Variants in GOLPH3 observed in about 807,000 individuals in gnomAD.
GOLPH3 encodes golgi phosphoprotein 3, also known as coat protein GPP34.
In GOLPH3, 14 loss-of-function variants were observed where a neutral mutation model predicts 28.5. That is an observed-to-expected ratio of 0.49 (90% CI 0.32 to 0.77). The LOEUF (loss-of-function observed/expected upper bound fraction) is 0.77. Ranked by LOEUF, GOLPH3 falls within the 30% of genes least tolerant of loss-of-function variation. The pLI, the probability that GOLPH3 is intolerant of heterozygous loss-of-function variation, is 0.03. For synonymous variants in GOLPH3, 158 were observed against 159.2 expected (o/e 0.99, Z 0.06); for missense variants, 350 against 393.7 (o/e 0.89, Z 0.94).
intron 1 of GOLPH3, among the ~76,000 whole-genome samples, chr5:32,144,339 C>T (rs533038611): frequency 6.6e-6 from 1 of 152,286 alleles, no homozygotes; most frequent in South Asian, 2.1e-4. Flanking sequence ...AAGGTTAATC[C>T]GAGCACTTTG....
At chr5:32,131,158 A>G (rs1745817195) in intron 3 of GOLPH3, among the ~76,000 whole-genome samples, 1 of 152,250 alleles carries the variant, frequency 6.6e-6, no homozygotes, top group Non-Finnish European at 1.5e-5. Context: ...ACGGTTATTC[A>G]GATCTCCTCA....
intron 1 of GOLPH3, among the ~76,000 whole-genome samples, chr5:32,148,276 C>T (rs1028569606): frequency 1.3e-5 from 2 of 152,130 alleles, no homozygotes; most frequent in African/African-American, 4.8e-5. Context: ...TTTTACTAAA[C>T]AAAACATATC....
chr5:32,136,470 A>C (rs1333836324), intron 2 of GOLPH3, among the ~76,000 whole-genome samples: 1 of 151,958 alleles, frequency 6.6e-6, no homozygotes, highest in African/African-American at 2.4e-5. Context: ...AACAAGAGCA[A>C]AACTCCGACT....
intron 2 of GOLPH3, among the ~76,000 whole-genome samples, chr5:32,142,669 C>T (rs963752832): frequency 6.8e-6 from 1 of 147,320 alleles, no homozygotes. Flanking sequence ...GCCCCCAAGC[C>T]CGGCCAGCCG....
rs746192564 is a variant in GOLPH3 at position 32,160,690 on chromosome 5, G to A, written c.225+13120C>T. 1.1e-3 allele frequency among the ~76,000 whole-genome samples: 166 copies of A among 152,180 alleles called. 1 individual carries two copies. Among genetic ancestry groups the A allele is most frequent in the Non-Finnish European group, 1.7e-3 (117 of 68,034 alleles). On this transcript the variant is annotated intron_variant, in intron 1 of 3. Transcript: ENST00000265070. The stretch of plus-strand genomic sequence containing the variant: ...GGTGAAGAGTCTCACTAGGCAGTAA[G>A]AAATAACTAAGAATTGGCTGCTAGG...
chr5:32,157,358 T>C (rs1249333150), intron 1 of GOLPH3, among the ~76,000 whole-genome samples: 1 of 152,202 alleles, frequency 6.6e-6, no homozygotes, highest in African/African-American at 2.4e-5. Flanking sequence ...GCACATACCA[T>C]GTGCAAAGCA....
At chr5:32,172,052 C>G (rs1248447498) in intron 1 of GOLPH3, among the ~76,000 whole-genome samples, 1 of 152,164 alleles carries the variant, frequency 6.6e-6, no homozygotes, top group African/African-American at 2.4e-5. Flanking sequence ...CGCTATACCC[C>G]TAGTTTACTT....
At chr5:32,150,422 G>GAA (rs35032469) in intron 1 of GOLPH3, among the ~76,000 whole-genome samples, 126 of 107,956 alleles carry the variant, frequency 1.2e-3, no homozygotes, top group African/African-American at 3.3e-3. Flanking sequence ...AGTTCCTAAA[G>GAA]AAAAAAAAAA....
chr5:32,139,390 A>G (rs1746007918), intron 2 of GOLPH3, among the ~76,000 whole-genome samples: 1 of 152,226 alleles, frequency 6.6e-6, no homozygotes, highest in Admixed American at 6.5e-5. Context: ...GGAGTCCTAG[A>G]ACCAATCGCC....
intron 1 of GOLPH3, among the ~76,000 whole-genome samples, chr5:32,149,160 A>G (rs1746248189): frequency 1.3e-5 from 2 of 152,192 alleles, no homozygotes; most frequent in Admixed American, 6.5e-5. Flanking sequence ...AAATGCAGAG[A>G]ATGAAGGTAA....
intron 1 of GOLPH3, among the ~76,000 whole-genome samples, chr5:32,153,742 C>A (rs541636690): frequency 1.3e-5 from 2 of 152,252 alleles, no homozygotes; most frequent in East Asian, 3.9e-4. Context: ...ACCACGTAAA[C>A]AGATTTTTTT....
At chr5:32,151,173 A>T (rs1438372109) in intron 1 of GOLPH3, among the ~76,000 whole-genome samples, 1 of 152,024 alleles carries the variant, frequency 6.6e-6, no homozygotes, top group Non-Finnish European at 1.5e-5. Flanking sequence ...CACTTATATC[A>T]CAGATAAATC....
At chr5:32,136,323 T>A (rs1468189754) in intron 2 of GOLPH3, among the ~76,000 whole-genome samples, 1 of 149,666 alleles carries the variant, frequency 6.7e-6, no homozygotes, top group Non-Finnish European at 1.5e-5. Context: ...CTACTAAAAA[T>A]ACAAACAATT....
At chr5:32,166,979 T>C (rs1055131848) in intron 1 of GOLPH3, among the ~76,000 whole-genome samples, 8 of 151,812 alleles carry the variant, frequency 5.3e-5, no homozygotes, top group African/African-American at 1.9e-4. Flanking sequence ...GGGGGGGAGT[T>C]TGCAAAGACA....
chr5:32,142,764 C>CT (rs1746104678), intron 2 of GOLPH3, among the ~76,000 whole-genome samples: 1 of 148,732 alleles, frequency 6.7e-6, no homozygotes, highest in African/African-American at 2.5e-5. Context: ...TCTGCCCGGC[C>CT]GCCCCTACTG....
chr5:32,170,430 A>G (rs995642213), intron 1 of GOLPH3, among the ~76,000 whole-genome samples: 1 of 152,222 alleles, frequency 6.6e-6, no homozygotes, highest in Non-Finnish European at 1.5e-5. Flanking sequence ...GCTTAAATGT[A>G]AAGTTTAGCT....
chr5:32,143,277 C>A (rs1746121775), intron 2 of GOLPH3, among the ~76,000 whole-genome samples: 1 of 151,388 alleles, frequency 6.6e-6, no homozygotes, highest in Non-Finnish European at 1.5e-5. Flanking sequence ...GTCATCACCA[C>A]TCCCTAATCT....
rs1413550554 is a variant in GOLPH3 at position 32,173,905 on chromosome 5, G to A, written c.130C>T (p.Arg44Cys). 3 of 1,513,944 alleles carry A rather than the reference G, an allele frequency of 2.0e-6. No individual in the cohort carries two copies. The highest frequency in any genetic ancestry group is 1.2e-5 in the South Asian group (1 of 80,778). The allele number at this position is 1,513,944 out of a possible 1,614,324, so 93.8% of individuals were successfully genotyped here. A position where few individuals can be genotyped will look rare whatever the true frequency, so the allele number is the denominator to read the frequency against. ...GSSEDDAQSR[R>C]DEQDDDDKGD... Reference sequence around the variant, plus strand: ...TTGTCGTCGTCGTCCTGCTCGTCGCGGCGGCTCTGCGCGTCGTCCTCGCTG... The same window carrying A: ...TTGTCGTCGTCGTCCTGCTCGTCGCAGCGGCTCTGCGCGTCGTCCTCGCTG... Residue 44 changes from arginine to cysteine, a missense_variant, in exon 1 of 4, where the codon CGC becomes TGC. Transcript: ENST00000265070.
intron 1 of GOLPH3, among the ~76,000 whole-genome samples, chr5:32,169,528 T>G (rs1198385112): frequency 1.3e-5 from 2 of 152,188 alleles, no homozygotes; most frequent in African/African-American, 4.8e-5. Context: ...ATACTCCAAA[T>G]TATACTTGGC....
Sources: gnomAD v4.1 joint callset for allele counts (sites outside exome capture counted in the v4.1 genomes callset) on GRCh38, gnomAD v4.1.1 for gene constraint, MANE v1.5 for transcripts, NCBI Gene and HGNC (gene_info 2026-07-23, HGNC 2026-07-21) for gene names.